ERRFI1: variants seen among roughly 807,000 people sequenced by gnomAD.
The protein encoded by ERRFI1 is mitogen-inducible gene 6 protein.
ERRFI1 carries 12 observed loss-of-function variants against 14.6 expected under a neutral mutation model. The observed-to-expected ratio is 0.82, with a 90% CI of 0.53 to 1.33. The LOEUF is 1.33. Ranked by LOEUF, ERRFI1 falls within the 40% of genes most tolerant of loss-of-function variation. ERRFI1 has a pLI of 0.00. For synonymous variants in ERRFI1, 202 were observed against 209.9 expected (o/e 0.96, Z 0.32); for missense variants, 482 against 572.1 (o/e 0.84, Z 1.61).
chr1:8,020,575 C>T (rs1358149836), intron 1 of ERRFI1, among the ~76,000 whole-genome samples: 2 of 124,512 alleles, frequency 1.6e-5, no homozygotes, highest in African/African-American at 6.3e-5. Flanking sequence ...TTTTTTGAGA[C>T]GGAGTCTTAC....
rs763087964 is a variant in ERRFI1, at chr1:8,013,877, T to G, written c.722A>C (p.Gln241Pro). ...AGACCTTCTTAATCTTCGGTGGGTC[T>G]GAGGTGGAGGAGGATTTGGATCTGG... is the stretch of plus-strand genomic sequence containing the variant. ...GVPDPNPPPPQTHRRLRRSHS... is the reference protein window; with the variant it reads ...GVPDPNPPPPPTHRRLRRSHS... Residue 241 changes from glutamine to proline, a missense_variant, in exon 4 of 4, where the codon CAG becomes CCG. Transcript: ENST00000377482. This position sits in a 1 kb window ranked among gnomAD's most constrained non-coding sequence, Gnocchi z 4.3. The G allele has an allele frequency of 9.3e-6, 15 of 1,614,152 alleles. No homozygotes were observed. In the South Asian group the frequency reaches 1.2e-4, roughly 13 times the overall value.
intron 1 of ERRFI1, among the ~76,000 whole-genome samples, chr1:8,020,719 A>G (rs1341901826): frequency 1.3e-5 from 2 of 151,946 alleles, no homozygotes; most frequent in East Asian, 3.9e-4. Context: ...TAATTTTTGT[A>G]TTTTTAGTAG....
intron 1 of ERRFI1, 78 bp from the exon 2 acceptor site, chr1:8,015,770 AG>A: frequency 1.1e-6 from 1 of 925,990 alleles, no homozygotes; most frequent in Non-Finnish European, 1.6e-6. Flanking sequence ...ATTACAGCAA[AG>A]CTAACAGAGG....
At chr1:8,017,947 TTATTTTTTATTCATTGTTTCCATCACC>T (rs1641203502) in intron 1 of ERRFI1, among the ~76,000 whole-genome samples, 1 of 152,216 alleles carries the variant, frequency 6.6e-6, no homozygotes, top group Non-Finnish European at 1.5e-5. Context: ...CTAGAAAAAG[TTATTTTTTATTCATTGTTTCCATCACC>T]TACTTGTTAG....
At chr1:8,016,484 T>G (rs1487052621) in intron 1 of ERRFI1, among the ~76,000 whole-genome samples, 1 of 152,226 alleles carries the variant, frequency 6.6e-6, no homozygotes, top group Non-Finnish European at 1.5e-5. Flanking sequence ...CTGCAAGGCA[T>G]GGATAACAAA....
At chr1:8,021,126 G>C (rs1641269387) in intron 1 of ERRFI1, among the ~76,000 whole-genome samples, 1 of 152,076 alleles carries the variant, frequency 6.6e-6, no homozygotes. Flanking sequence ...ATTCCTCAGA[G>C]GCTCTTAAAC....
Position 8,014,381 on chromosome 1 carries a change from G to C in ERRFI1, c.218C>G (p.Ser73Cys), listed in dbSNP as rs749348449. Reference protein sequence around the residue: ...RLIPLGHASKSAPMNGHCFAE... With the variant: ...RLIPLGHASKCAPMNGHCFAE... ...AAAGCAGTGGCCATTCATCGGAGCAGATTTGGAAGCATGCCCTGGAATGAA... is the reference window on the plus strand; with the variant it reads ...AAAGCAGTGGCCATTCATCGGAGCACATTTGGAAGCATGCCCTGGAATGAA... The change falls in exon 4 of 4, where the codon TCT (serine) becomes TGT (cysteine). Residue 73 changes from serine (S) to cysteine (C), a missense_variant. Coordinates refer to ENST00000377482, the MANE Select transcript of ERRFI1 (RefSeq NM_018948.4). 6.3e-7 allele frequency: 1 copy of C among 1,582,012 alleles called. No individual in the cohort carries two copies. Among genetic ancestry groups the C allele is most frequent in the Non-Finnish European group, 8.6e-7 (1 of 1,163,940 alleles).
chr1:8,014,582 C>T (rs1641145137), intron 3 of ERRFI1, 186 bp from the exon 4 acceptor site: 1 of 587,096 alleles, frequency 1.7e-6, no homozygotes, highest in Admixed American at 3.4e-5. Flanking sequence ...ATTCTTAACG[C>T]ACATGGTGTG....
Position 8,015,519 on chromosome 1 carries a change from C to T in ERRFI1, c.101G>A (p.Trp34Ter). 1 of 1,614,164 alleles carries T rather than the reference C, an allele frequency of 6.2e-7. No homozygotes were observed. The highest frequency in any genetic ancestry group is 8.5e-7 in the Non-Finnish European group (1 of 1,180,008). The change falls in exon 2 of 4, where the codon TGG (tryptophan) becomes TAG (stop). Residue 34 changes from tryptophan (W) to a stop codon, truncating the protein, a stop_gained. Transcript: ENST00000377482. LOFTEE classifies it high-confidence loss of function. ...CTTTTTAAACTCACTGCGACTGCTC[C>T]AGTAGGTCTTCCTCATATTCCCCAT... ...RAMGNMRKTYWSSRSEFKNNF... is the reference protein window; with the variant it reads ...RAMGNMRKTY
In ERRFI1 at chr1:8,011,842, T is replaced by C. The variant is rs924196096; in HGVS notation, c.*1368A>G. 4.6e-6 allele frequency: 1 copy of C among 218,630 alleles called. No homozygotes were observed. The highest frequency in any genetic ancestry group is 2.2e-5 in the African/African-American group (1 of 44,626). 13.5% of individuals were successfully genotyped at this position (218,630 alleles called of 1,614,324 possible). On this transcript the variant is annotated 3_prime_UTR_variant, in exon 4 of 4. Transcript: ENST00000377482. ...ACACATAATGCAGAAATCAGTGCAT[T>C]TTTCTTAAGCATGTTTTAACCTTCA...
chr1:8,015,485 C>G lies in ERRFI1; in HGVS notation c.125+10G>C, dbSNP rs1641160025. 1 of 1,614,108 alleles carries G rather than the reference C, an allele frequency of 6.2e-7. No individual in the cohort carries two copies. The highest frequency in any genetic ancestry group is 8.5e-7 in the Non-Finnish European group (1 of 1,179,952). ...ATCCAGATTACAGCAGCATTACATC[C>G]TCTACTTACTTTTTAAACTCACTGC... is the stretch of plus-strand genomic sequence containing the variant. On this transcript the variant is annotated intron_variant, in intron 2 of 3. Coordinates refer to ENST00000377482, the MANE Select transcript of ERRFI1 (RefSeq NM_018948.4).
chr1:8,014,567 A>G, intron 3 of ERRFI1, 171 bp from the exon 4 acceptor site: 1 of 610,394 alleles, frequency 1.6e-6, no homozygotes. Flanking sequence ...ATTAGAGAGC[A>G]GAAGATTCTT....
chr1:8,013,926 C>CA lies in ERRFI1; in HGVS notation c.672dup (p.Val225CysfsTer3). On this transcript the variant is annotated frameshift_variant, in exon 4 of 4. Coordinates refer to ENST00000377482, the MANE Select transcript of ERRFI1 (RefSeq NM_018948.4). LOFTEE classifies it high-confidence loss of function. This position sits in a 1 kb window ranked among gnomAD's most constrained non-coding sequence, Gnocchi z 4.3. ...GGGACACCTCCATTTTGGTCAGACA[C>CA]ATAGCTGAGATCTGCTGCAGAAACA... 6.2e-7 allele frequency: 1 copy of CA among 1,614,140 alleles called. No homozygotes were observed. Among genetic ancestry groups the CA allele is most frequent in the Non-Finnish European group, 8.5e-7 (1 of 1,180,024 alleles).
At chr1:8,015,089 G>T (rs913208376) in intron 3 of ERRFI1, 1 of 553,604 alleles carries the variant, frequency 1.8e-6, no homozygotes, top group African/African-American at 1.9e-5. Context: ...TCCATGAACA[G>T]TCCTACTTAG....
intron 1 of ERRFI1, among the ~76,000 whole-genome samples, chr1:8,021,480 T>G (rs899271376): frequency 1.3e-5 from 2 of 152,170 alleles, no homozygotes; most frequent in Non-Finnish European, 2.9e-5. Context: ...TATTATTTCT[T>G]TTTGACATAT....
intron 1 of ERRFI1, among the ~76,000 whole-genome samples, chr1:8,018,288 A>G (rs1210388632): frequency 6.9e-6 from 1 of 144,716 alleles, no homozygotes; most frequent in East Asian, 2.0e-4. Flanking sequence ...TGTTTCTCAG[A>G]TTGTAAACTG....
In ERRFI1 at chr1:8,012,891, G is replaced by A; in HGVS notation, c.*319C>T. 3.2e-6 allele frequency: 1 copy of A among 313,144 alleles called. No homozygotes were observed. The highest frequency in any genetic ancestry group is 5.9e-6 in the Non-Finnish European group (1 of 169,174). The allele number at this position is 313,144 out of a possible 1,614,324, so 19.4% of individuals were successfully genotyped here. A position where few individuals can be genotyped will look rare whatever the true frequency, so the allele number is the denominator to read the frequency against. ...ACGATAGTAACTAATTGGTTAACCT[G>A]CAGCTATGGTCTATGGTTATACCAC... On this transcript the variant is annotated 3_prime_UTR_variant, in exon 4 of 4. Coordinates refer to ENST00000377482, the MANE Select transcript of ERRFI1 (RefSeq NM_018948.4).
chr1:8,024,812 T>C (rs1212766529), intron 1 of ERRFI1, among the ~76,000 whole-genome samples: 1 of 152,232 alleles, frequency 6.6e-6, no homozygotes, highest in East Asian at 1.9e-4. Context: ...TTCTTTTATT[T>C]TGGTCTTTGC....
At chr1:8,021,270 A>G (rs1456714224) in intron 1 of ERRFI1, among the ~76,000 whole-genome samples, 1 of 152,222 alleles carries the variant, frequency 6.6e-6, no homozygotes, top group Non-Finnish European at 1.5e-5. Flanking sequence ...CTAGCTAAGT[A>G]TTTTAAAAAA....
Sources: gnomAD v4.1 joint callset for allele counts (sites outside exome capture counted in the v4.1 genomes callset) on GRCh38, gnomAD v4.1.1 for gene constraint, Gnocchi (gnomAD v3.1) non-coding constraint, MANE v1.5 for transcripts, NCBI Gene and HGNC (gene_info 2026-07-23, HGNC 2026-07-21) for gene names.